ATP2B2: variants seen among roughly 807,000 people sequenced by gnomAD.
The protein encoded by ATP2B2 is ATPase plasma membrane Ca2+ transporting 2.
A neutral mutation model predicts 120.0 loss-of-function variants in ATP2B2; 15 were observed. That is an observed-to-expected ratio of 0.12 (90% CI 0.08 to 0.19). The LOEUF is 0.19. ATP2B2 is among the 10% of genes least tolerant of loss of function. The probability of loss-of-function intolerance (pLI) is 1.00; values close to 1 mark genes in which losing one functional copy is unlikely to be tolerated. For missense variants in ATP2B2, 1,045 were observed against 1,719.8 expected (o/e 0.61, Z 6.94); for synonymous variants, 694 against 700.3 (o/e 0.99, Z 0.14).
chr3:10,645,008 A>G (rs769193321), intron 1 of ATP2B2, among the ~76,000 whole-genome samples: 2 of 152,174 alleles, frequency 1.3e-5, no homozygotes, highest in African/African-American at 2.4e-5. Flanking sequence ...TAGGTAATAT[A>G]CCATGAAGGA....
chr3:10,355,594 G>A (rs565134958), intron 14 of ATP2B2, among the ~76,000 whole-genome samples: 3 of 152,270 alleles, frequency 2.0e-5, no homozygotes, highest in South Asian at 2.1e-4. Flanking sequence ...GCTCGTTAGC[G>A]GCAAAGTCGG....
chr3:10,560,939 A>C (rs1255938774), intron 2 of ATP2B2, among the ~76,000 whole-genome samples: 2 of 152,130 alleles, frequency 1.3e-5, no homozygotes, highest in African/African-American at 4.8e-5. Context: ...CCCAGGACCT[A>C]TGTATGTACT....
rs372691515 is a variant in ATP2B2, at chr3:10,572,098, G to A, written c.-414-37965C>T. On this transcript the variant is annotated intron_variant, in intron 2 of 21. Transcript: ENST00000646379. ...CACCTGCCCCCATGCCTCTGCCATC[G>A]CCATAAGAAGAGCATCCCTATTTTA... 2.2e-4 allele frequency among the ~76,000 whole-genome samples: 34 copies of A among 152,252 alleles called. No individual in the cohort carries two copies. The East Asian group carries it at 5.4e-3, about 24-fold the overall frequency.
Position 10,326,997 on chromosome 3 carries a change from C to T in ATP2B2, c.*1817G>A, listed in dbSNP as rs1200772558. ...GAGAGGCGGAAAGTGTTTGGTTTTC[C>T]TCGAAGCATGGGACATCATCGATCA... On this transcript the variant is annotated 3_prime_UTR_variant, in exon 23 of 23. Coordinates refer to ENST00000360273, the MANE Select transcript of ATP2B2 (RefSeq NM_001001331.4). 5.0e-6 allele frequency: 2 copies of T among 397,914 alleles called. No homozygotes were observed. The highest frequency in any genetic ancestry group is 4.4e-5 in the Admixed American group (1 of 22,714). The allele number at this position is 397,914 out of a possible 1,614,324, so 24.6% of individuals were successfully genotyped here.
At chr3:10,695,646 A>G (rs1325856410) in intron 1 of ATP2B2, among the ~76,000 whole-genome samples, 1 of 152,134 alleles carries the variant, frequency 6.6e-6, no homozygotes, top group African/African-American at 2.4e-5. Context: ...ACCCCTAACC[A>G]AGTGAGAGAG....
intron 17 of ATP2B2, 149 bp downstream of exon 17, chr3:10,345,882 G>A (rs192113821): frequency 2.5e-6 from 2 of 812,524 alleles, no homozygotes; most frequent in East Asian, 2.7e-5. Flanking sequence ...AGACCTCGGG[G>A]TCAGGCTGAG....
chr3:10,564,245 G>A (rs2067962997), intron 2 of ATP2B2, among the ~76,000 whole-genome samples: 1 of 152,210 alleles, frequency 6.6e-6, no homozygotes, highest in Non-Finnish European at 1.5e-5. Context: ...TTCTGTTGCT[G>A]CTCACCTGGG....
chr3:10,388,118 C>A lies in ATP2B2; in HGVS notation c.907+159G>T, dbSNP rs571978116. The A allele has an allele frequency of 9.8e-6, 10 of 1,021,104 alleles. No homozygotes were observed. In the South Asian group the frequency reaches 1.3e-4, roughly 13 times the overall value. The allele number at this position is 1,021,104 out of a possible 1,614,324, so 63.3% of individuals were successfully genotyped here. A position where few individuals can be genotyped will look rare whatever the true frequency, so the allele number is the denominator to read the frequency against. On this transcript the variant is annotated intron_variant, in intron 6 of 22. Coordinates refer to ENST00000360273, the MANE Select transcript of ATP2B2 (RefSeq NM_001001331.4). ...CTGGAGATGGAACAGACAGAGCCTA[C>A]CTGGCCCATGCAGGCCTTAAGGATG...
intron 2 of ATP2B2, among the ~76,000 whole-genome samples, chr3:10,422,120 A>C (rs2125067443): frequency 6.6e-6 from 1 of 152,126 alleles, no homozygotes; most frequent in East Asian, 1.9e-4. Context: ...GGCTGCTTCC[A>C]CCAGCACACA....
At chr3:10,441,942 A>G (rs908195201) in intron 2 of ATP2B2, among the ~76,000 whole-genome samples, 1 of 152,194 alleles carries the variant, frequency 6.6e-6, no homozygotes, top group African/African-American at 2.4e-5. Context: ...AATGGTCTCC[A>G]TATTCCTTCC....
At chr3:10,604,833 C>A (rs11720808) in intron 2 of ATP2B2, among the ~76,000 whole-genome samples, 54,085 of 152,034 alleles carry the variant, frequency 0.36, 12,477 homozygotes, top group Middle Eastern at 0.52. Context: ...TTCTACCCAG[C>A]CTACTTTTTT....
intron 1 of ATP2B2, among the ~76,000 whole-genome samples, chr3:10,482,536 G>T (rs911870833): frequency 6.6e-6 from 1 of 152,204 alleles, no homozygotes; most frequent in Admixed American, 6.5e-5. Flanking sequence ...AGGGGAGAGA[G>T]GGCAGTGCCA....
intron 22 of ATP2B2, among the ~76,000 whole-genome samples, chr3:10,334,460 C>A (rs2125339944): frequency 6.6e-6 from 1 of 152,264 alleles, no homozygotes; most frequent in South Asian, 2.1e-4. Flanking sequence ...GCTGGCTAGG[C>A]TGCTGCTAAG....
chr3:10,479,452 G>A (rs2065320973), intron 1 of ATP2B2, among the ~76,000 whole-genome samples: 1 of 151,732 alleles, frequency 6.6e-6, no homozygotes, highest in Non-Finnish European at 1.5e-5. Flanking sequence ...ACTTCTCTGG[G>A]AGGCCTTCTC....
chr3:10,588,299 G>T (rs988002293), intron 2 of ATP2B2, among the ~76,000 whole-genome samples: 7 of 152,288 alleles, frequency 4.6e-5, no homozygotes, highest in African/African-American at 1.7e-4. Context: ...TAGGGGTAAG[G>T]GTGGGCAAAA....
intron 1 of ATP2B2, chr3:10,620,086 T>G (rs1002447053): frequency 1.3e-5 from 2 of 152,226 alleles, no homozygotes; most frequent in Non-Finnish European, 2.9e-5. Flanking sequence ...CCAATCCCAG[T>G]ATAGAAACCA....
Position 10,449,690 on chromosome 3 carries a change from G to C in ATP2B2, c.-147C>G. ...GCCGACTCCGGGTCCCGGGGGGTGG[G>C]GGTGGCCGAGGCGGGCTGGTGACAG... On this transcript the variant is annotated 5_prime_UTR_variant, in exon 2 of 23. Transcript: ENST00000360273. 1.1e-6 allele frequency: 1 copy of C among 928,432 alleles called. No homozygotes were observed. The highest frequency in any genetic ancestry group is 1.6e-5 in the African/African-American group (1 of 61,478). The allele number at this position is 928,432 out of a possible 1,614,324, so 57.5% of individuals were successfully genotyped here.
intron 2 of ATP2B2, among the ~76,000 whole-genome samples, chr3:10,551,094 G>A (rs950420383): frequency 3.3e-5 from 5 of 152,200 alleles, no homozygotes; most frequent in Non-Finnish European, 5.9e-5. Context: ...CTGGGCGAAT[G>A]TTTTACGAAG....
chr3:10,483,740 G>A (rs1379130612), intron 1 of ATP2B2, among the ~76,000 whole-genome samples: 1 of 152,196 alleles, frequency 6.6e-6, no homozygotes, highest in East Asian at 1.9e-4. Flanking sequence ...CCATGGTGAT[G>A]GAAAAGACCC....
Sources: gnomAD v4.1 joint callset for allele counts (sites outside exome capture counted in the v4.1 genomes callset) on GRCh38, gnomAD v4.1.1 for gene constraint, MANE v1.5 for transcripts, NCBI Gene and HGNC (gene_info 2026-07-23, HGNC 2026-07-21) for gene names.